APOL6: variants seen among roughly 807,000 people sequenced by gnomAD.
The protein encoded by APOL6 is apolipoprotein L6.
In APOL6, 1 loss-of-function variant was observed where a neutral mutation model predicts 2.4. That is an observed-to-expected ratio of 0.41 (90% CI 0.15 to 1.94). The LOEUF (loss-of-function observed/expected upper bound fraction) is 1.94, where lower values mean the gene tolerates loss of function less well. Among genes scored for constraint, APOL6 ranks in the 30% most tolerant of loss-of-function variants. The pLI, the probability that APOL6 is intolerant of heterozygous loss-of-function variation, is 0.30. For missense variants in APOL6, 438 were observed against 429.2 expected, an observed-to-expected ratio of 1.02 and a Z score of -0.18; for synonymous variants, 189 against 169.3, an observed-to-expected ratio of 1.12 and a Z score of -0.90.
chr22:35,649,392 C>G (rs979111071), intron 1 of APOL6, among the ~76,000 whole-genome samples: 1 of 149,710 alleles, frequency 6.7e-6, no homozygotes, highest in African/African-American at 2.5e-5. Flanking sequence ...GAGCAGTGAT[C>G]GCACCACTGC....
rs1925177970 is a variant in APOL6 at position 35,666,224 on chromosome 22, CT to C, written c.*6634del. The C allele has an allele frequency of 6.6e-6, 1 of 152,014 alleles. No individual in the cohort carries two copies. The highest frequency in any genetic ancestry group is 2.1e-4 in the South Asian group (1 of 4,824). The allele number at this position is 152,014 out of a possible 1,614,324, so 9.4% of individuals were successfully genotyped here. On this transcript the variant is annotated 3_prime_UTR_variant, in exon 3 of 3. Coordinates refer to ENST00000409652, the MANE Select transcript of APOL6 (RefSeq NM_030641.4). ...TCTTTTGACTATGGCTGCCTTAAAA[CT>C]TTTTTCTTCCATGCACAATTGTTGT...
At chr22:35,650,594 G>GTGAATGAA (rs146650911) in intron 1 of APOL6, among the ~76,000 whole-genome samples, 1 of 151,986 alleles carries the variant, frequency 6.6e-6, no homozygotes, top group African/African-American at 2.4e-5. Context: ...ATGGCTATAA[G>GTGAATGAA]TGAATGAATG....
rs749419924 is a variant in APOL6, at chr22:35,661,822, T to G, written c.*2226T>G. The G allele has an allele frequency of 3.9e-5, 6 of 152,182 alleles. No individual in the cohort carries two copies. Among genetic ancestry groups the G allele is most frequent in the Non-Finnish European group, 8.8e-5 (6 of 68,028 alleles). 9.4% of individuals were successfully genotyped at this position (152,182 alleles called of 1,614,324 possible). A position where few individuals can be genotyped will look rare whatever the true frequency, so the allele number is the denominator to read the frequency against. ...GTAGGCTTTATAAACACAGCACACT[T>G]AGGGTACACAAAATGCATATTAAAA... On this transcript the variant is annotated 3_prime_UTR_variant, in exon 3 of 3. Transcript: ENST00000409652.
intron 1 of APOL6, among the ~76,000 whole-genome samples, chr22:35,650,738 T>C (rs1372257747): frequency 6.6e-6 from 1 of 152,076 alleles, no homozygotes; most frequent in Non-Finnish European, 1.5e-5. Flanking sequence ...AAGACCAGCC[T>C]GGCCAACCTT....
At chr22:35,654,168 A>T (rs971456136) in intron 1 of APOL6, among the ~76,000 whole-genome samples, 1 of 152,160 alleles carries the variant, frequency 6.6e-6, no homozygotes, top group Non-Finnish European at 1.5e-5. Context: ...CCAACCCAGA[A>T]GCTCTCTGAA....
chr22:35,659,123 G>A lies in APOL6; in HGVS notation c.559G>A (p.Ala187Thr), dbSNP rs746500379. The change falls in exon 3 of 3, where the codon GCA (alanine) becomes ACA (threonine). Residue 187 changes from alanine to threonine, a missense_variant. Transcript: ENST00000409652. ...TLKYAKKNVR[A>T]FWKLRANPRL... The stretch of plus-strand genomic sequence containing the variant: ...GAAGTATGCCAAGAAAAACGTCCGT[G>A]CATTTTGGAAACTCAGAGCCAACCC... 1 of 1,614,142 alleles carries A rather than the reference G, an allele frequency of 6.2e-7. No individual in the cohort carries two copies. The highest frequency in any genetic ancestry group is 2.2e-5 in the East Asian group (1 of 44,882).
intron 1 of APOL6, among the ~76,000 whole-genome samples, chr22:35,650,665 C>T (rs1160575445): frequency 6.6e-6 from 1 of 152,170 alleles, no homozygotes; most frequent in East Asian, 1.9e-4. Flanking sequence ...CATGGTGGCT[C>T]ATGCCTGTAA....
chr22:35,652,530 G>A (rs920331803), intron 1 of APOL6, among the ~76,000 whole-genome samples: 1 of 152,116 alleles, frequency 6.6e-6, no homozygotes, highest in Non-Finnish European at 1.5e-5. Context: ...ATGGTTTTAG[G>A]TCTAACATTT....
Position 35,656,579 on chromosome 22 carries a change from A to C in APOL6, c.50+104A>C. ...ATGTGCTCTGATAGGATTAGCTGTT[A>C]AGTGGGCCTTATCTTACCGCTGGTC... On this transcript the variant is annotated intron_variant, in intron 2 of 2. Transcript: ENST00000409652. 1.5e-6 allele frequency: 2 copies of C among 1,377,624 alleles called. 1 individual carries two copies. Among genetic ancestry groups the C allele is most frequent in the South Asian group, 2.3e-5 (2 of 85,590 alleles). 85.3% of individuals were successfully genotyped at this position (1,377,624 alleles called of 1,614,324 possible).
At chr22:35,652,608 T>G (rs1438866281) in intron 1 of APOL6, among the ~76,000 whole-genome samples, 1 of 152,264 alleles carries the variant, frequency 6.6e-6, no homozygotes, top group Non-Finnish European at 1.5e-5. Context: ...TTCAGCTTTC[T>G]GCGTGTGGCT....
At chr22:35,652,947 G>A (rs1463994952) in intron 1 of APOL6, among the ~76,000 whole-genome samples, 1 of 151,896 alleles carries the variant, frequency 6.6e-6, no homozygotes, top group South Asian at 2.1e-4. Context: ...GTCATTGGTA[G>A]CTTGATGGGG....
Position 35,663,946 on chromosome 22 carries a change from T to C in APOL6, c.*4350T>C, listed in dbSNP as rs937087187. Reference sequence around the variant, plus strand: ...ATGTGTTGTGTACACGATGTTTTAGTGCTAAAAATATGTAAAAGAGCTCTA... The same window carrying C: ...ATGTGTTGTGTACACGATGTTTTAGCGCTAAAAATATGTAAAAGAGCTCTA... On this transcript the variant is annotated 3_prime_UTR_variant, in exon 3 of 3. Coordinates refer to ENST00000409652, the MANE Select transcript of APOL6 (RefSeq NM_030641.4). The C allele has an allele frequency of 2.0e-5, 3 of 152,188 alleles. No individual in the cohort carries two copies. The highest frequency in any genetic ancestry group is 4.4e-5 in the Non-Finnish European group (3 of 68,020). The allele number at this position is 152,188 out of a possible 1,614,324, so 9.4% of individuals were successfully genotyped here.
At chr22:35,655,381 C>T (rs1315043441) in intron 1 of APOL6, among the ~76,000 whole-genome samples, 1 of 152,128 alleles carries the variant, frequency 6.6e-6, no homozygotes, top group Admixed American at 6.5e-5. Flanking sequence ...TGTACTTCCT[C>T]CTCCCAGTCA....
chr22:35,666,309 G>A lies in APOL6; in HGVS notation c.*6713G>A, dbSNP rs928799052. ...TATTTTTGAGATGGGGACTCACTCTGTTGCCCAGGCTGGAGTGCAGCGGCA... is the reference window on the plus strand; with the variant it reads ...TATTTTTGAGATGGGGACTCACTCTATTGCCCAGGCTGGAGTGCAGCGGCA... On this transcript the variant is annotated 3_prime_UTR_variant, in exon 3 of 3. Coordinates refer to ENST00000409652, the MANE Select transcript of APOL6 (RefSeq NM_030641.4). The A allele has an allele frequency of 6.6e-6, 1 of 152,046 alleles. No individual in the cohort carries two copies. The highest frequency in any genetic ancestry group is 1.5e-5 in the Non-Finnish European group (1 of 68,008). The allele number at this position is 152,046 out of a possible 1,614,324, so 9.4% of individuals were successfully genotyped here.
intron 2 of APOL6, among the ~76,000 whole-genome samples, chr22:35,657,579 C>T (rs570656137): frequency 9.8e-5 from 15 of 152,290 alleles, no homozygotes; most frequent in African/African-American, 3.6e-4. Flanking sequence ...GTTTAGGACT[C>T]AGAGCCCACC....
chr22:35,656,398 G>A lies in APOL6; in HGVS notation c.-28G>A. On this transcript the variant is annotated 5_prime_UTR_variant, in exon 2 of 3. Transcript: ENST00000409652. ...GACCAGAAAATCATTTGACTCCTGG[G>A]GACACAGATTTGCTGCCACAGAGGC... is the stretch of plus-strand genomic sequence containing the variant. 6.2e-7 allele frequency: 1 copy of A among 1,613,938 alleles called. No individual in the cohort carries two copies. The highest frequency in any genetic ancestry group is 1.3e-5 in the African/African-American group (1 of 75,020).
At chr22:35,649,981 C>A (rs1924645543) in intron 1 of APOL6, among the ~76,000 whole-genome samples, 1 of 152,180 alleles carries the variant, frequency 6.6e-6, no homozygotes. Context: ...CCCTGAGGAG[C>A]AAACACGCCC....
At chr22:35,650,498 T>G (rs963932460) in intron 1 of APOL6, among the ~76,000 whole-genome samples, 2 of 152,222 alleles carry the variant, frequency 1.3e-5, no homozygotes, top group South Asian at 4.1e-4. Flanking sequence ...TCACACAAAC[T>G]ACATGAACAG....
rs149179370 is a variant in APOL6 at position 35,659,267 on chromosome 22, G to A, written c.703G>A (p.Val235Met). Residue 235 changes from valine (V) to methionine (M), a missense_variant, in exon 3 of 3, where the codon GTG becomes ATG. Physicochemically the swap from Val to Met is conservative, Grantham distance 21 (BLOSUM62 1). Transcript: ENST00000409652. ...TTLAMTKNARVLGGVMSAFSL... is the reference protein window; with the variant it reads ...TTLAMTKNARMLGGVMSAFSL... ...ACTGGCGATGACCAAAAATGCTCGC[G>A]TGCTGGGAGGTGTGATGTCCGCCTT... The A allele has an allele frequency of 2.6e-4, 418 of 1,614,062 alleles. No individual in the cohort carries two copies. Among genetic ancestry groups the A allele is most frequent in the Admixed American group, 9.3e-4 (56 of 60,002 alleles).
Sources: gnomAD v4.1 joint callset for allele counts (sites outside exome capture counted in the v4.1 genomes callset) on GRCh38, gnomAD v4.1.1 for gene constraint, MANE v1.5 for transcripts, NCBI Gene and HGNC (gene_info 2026-07-23, HGNC 2026-07-21) for gene names.